The following PPM1L variants were observed in gnomAD, a reference collection of about 807,000 sequenced individuals.
The protein encoded by PPM1L is protein phosphatase 1L.
A neutral mutation model predicts 31.4 loss-of-function variants in PPM1L; 13 were observed. The ratio of observed to expected loss-of-function variants is 0.41; its 90% CI spans 0.27 to 0.66. The LOEUF is 0.66. PPM1L is among the 30% of genes least tolerant of loss of function. The probability of loss-of-function intolerance (pLI) is 0.29; values close to 1 mark genes in which losing one functional copy is unlikely to be tolerated. For missense variants in PPM1L, 326 were observed against 453.7 expected, an observed-to-expected ratio of 0.72 and a Z score of 2.56; for synonymous variants, 184 against 175.4, an observed-to-expected ratio of 1.05 and a Z score of -0.39.
intron 2 of PPM1L, among the ~76,000 whole-genome samples, chr3:161,005,628 A>C (rs919780003): frequency 1.3e-5 from 2 of 152,162 alleles, no homozygotes; most frequent in African/African-American, 4.8e-5. Flanking sequence ...GTAAGCTGCC[A>C]CTCAGTTACC....
chr3:160,848,521 G>A (rs528275177), intron 1 of PPM1L, among the ~76,000 whole-genome samples: 2 of 152,320 alleles, frequency 1.3e-5, no homozygotes, highest in South Asian at 4.1e-4. Flanking sequence ...CATGTCAACA[G>A]GCTATTCTTC....
At chr3:160,997,804 C>T (rs184205830) in intron 2 of PPM1L, among the ~76,000 whole-genome samples, 1,555 of 152,196 alleles carry the variant, frequency 0.01, 28 homozygotes, top group African/African-American at 0.036. Flanking sequence ...TTTTGTTTTT[C>T]GCATTTTATA....
intron 1 of PPM1L, among the ~76,000 whole-genome samples, chr3:160,764,964 G>A (rs774531663): frequency 1.3e-5 from 2 of 151,994 alleles, no homozygotes; most frequent in Non-Finnish European, 2.9e-5. Flanking sequence ...ATTTCTCTAG[G>A]GTGGGTTTCC....
At chr3:160,903,554 G>A (rs1713637687) in intron 1 of PPM1L, among the ~76,000 whole-genome samples, 1 of 152,074 alleles carries the variant, frequency 6.6e-6, no homozygotes, top group Admixed American at 6.6e-5. Flanking sequence ...GATCACCGTA[G>A]CCTTACCAAG....
Position 160,916,199 on chromosome 3 carries a change from A to C in PPM1L, c.400-45537A>C, listed in dbSNP as rs530116176. On this transcript the variant is annotated intron_variant, in intron 1 of 3. Transcript: ENST00000498165. ...AATATCCAGAATCTACAATGAACTC[A>C]AACAAATTTACAAGAAAAAAACAAA... is the stretch of plus-strand genomic sequence containing the variant. Among the ~76,000 whole-genome samples, 10 of 152,310 alleles carry C rather than the reference A, an allele frequency of 6.6e-5. No individual in the cohort carries two copies. In the East Asian group the frequency reaches 9.7e-4, roughly 15 times the overall value.
chr3:160,807,167 T>G (rs1370754120), intron 1 of PPM1L, among the ~76,000 whole-genome samples: 3 of 152,198 alleles, frequency 2.0e-5, no homozygotes, highest in Admixed American at 1.3e-4. Context: ...GGTTTGAGAT[T>G]AAAACATTTG....
chr3:161,032,079 A>T (rs1051651848), intron 2 of PPM1L, among the ~76,000 whole-genome samples: 2 of 152,174 alleles, frequency 1.3e-5, no homozygotes, highest in Admixed American at 1.3e-4. Flanking sequence ...TGAACACAAG[A>T]GACCATTTTA....
chr3:160,904,445 G>A (rs922727591), intron 1 of PPM1L, among the ~76,000 whole-genome samples: 1 of 152,140 alleles, frequency 6.6e-6, no homozygotes, highest in Non-Finnish European at 1.5e-5. Flanking sequence ...TGGACAGAGG[G>A]ATTATGGTTG....
At chr3:161,044,675 A>T (rs1315437847) in intron 2 of PPM1L, among the ~76,000 whole-genome samples, 2 of 152,126 alleles carry the variant, frequency 1.3e-5, no homozygotes, top group Non-Finnish European at 2.9e-5. Context: ...ACATGCCAAA[A>T]TGTAAAGACC....
At chr3:160,803,847 G>A (rs959173994) in intron 1 of PPM1L, among the ~76,000 whole-genome samples, 7 of 152,150 alleles carry the variant, frequency 4.6e-5, no homozygotes, top group East Asian at 1.9e-4. Context: ...TTGAGTTTAC[G>A]TAGTATTTAA....
intron 2 of PPM1L, among the ~76,000 whole-genome samples, chr3:160,970,952 G>A (rs192778874): frequency 3.3e-5 from 5 of 151,724 alleles, no homozygotes; most frequent in South Asian, 2.1e-4. Flanking sequence ...CACCTCGCCC[G>A]GCTAATTTTT....
intron 1 of PPM1L, among the ~76,000 whole-genome samples, chr3:160,781,621 T>C (rs908360972): frequency 3.9e-5 from 6 of 152,172 alleles, no homozygotes; most frequent in African/African-American, 1.2e-4. Flanking sequence ...GGTGCACTCA[T>C]TTCCTGCAAT....
chr3:160,896,778 C>T (rs987994771), intron 1 of PPM1L, among the ~76,000 whole-genome samples: 19 of 152,150 alleles, frequency 1.2e-4, no homozygotes, highest in Non-Finnish European at 2.6e-4. Flanking sequence ...TTGACAGAAT[C>T]ATAACTCAAG....
At chr3:160,866,282 G>A (rs1343538684) in intron 1 of PPM1L, among the ~76,000 whole-genome samples, 1 of 152,158 alleles carries the variant, frequency 6.6e-6, no homozygotes, top group South Asian at 2.1e-4. Context: ...TATTAATGGG[G>A]TGGTTTCACT....
chr3:160,944,913 A>AATGTT (rs1715324609), intron 1 of PPM1L, among the ~76,000 whole-genome samples: 1 of 74,940 alleles, frequency 1.3e-5, no homozygotes, highest in African/African-American at 4.9e-5. Context: ...TTACATATAT[A>AATGTT]ATATATAGTG....
In PPM1L at chr3:160,815,205, A is replaced by G. The variant is rs139320634; in HGVS notation, c.399+58498A>G. On this transcript the variant is annotated intron_variant, in intron 1 of 3. Coordinates refer to ENST00000498165, the MANE Select transcript of PPM1L (RefSeq NM_139245.4). ...GAAAAAAGTGAGGGACTTGAGACAC[A>G]TTTGGCATCCTTTTTGCCTTTCTTC... is the stretch of plus-strand genomic sequence containing the variant. Among the ~76,000 whole-genome samples, 425 of 152,274 alleles carry G rather than the reference A, an allele frequency of 2.8e-3. 2 individuals carry two copies. The highest frequency in any genetic ancestry group is 9.3e-3 in the African/African-American group (386 of 41,558).
intron 1 of PPM1L, among the ~76,000 whole-genome samples, chr3:160,905,656 G>A (rs973184076): frequency 2.0e-5 from 3 of 152,094 alleles, no homozygotes; most frequent in Non-Finnish European, 4.4e-5. Flanking sequence ...GACAGATGCA[G>A]TTTATTTTAG....
chr3:161,037,833 G>A (rs923022303), intron 2 of PPM1L, among the ~76,000 whole-genome samples: 4 of 151,984 alleles, frequency 2.6e-5, no homozygotes, highest in Non-Finnish European at 5.9e-5. Context: ...TTGATCCTCA[G>A]AAACTCTGAG....
chr3:160,757,496 C>CAGG (rs1714843804), intron 1 of PPM1L, among the ~76,000 whole-genome samples: 1 of 152,244 alleles, frequency 6.6e-6, no homozygotes, highest in Admixed American at 6.5e-5. Context: ...CAGGAGATAG[C>CAGG]TAGAGGCCAG....
Sources: gnomAD v4.1 joint callset for allele counts (sites outside exome capture counted in the v4.1 genomes callset) on GRCh38, gnomAD v4.1.1 for gene constraint, MANE v1.5 for transcripts, NCBI Gene and HGNC (gene_info 2026-07-23, HGNC 2026-07-21) for gene names.